Variants in GPC6 observed in about 807,000 individuals in gnomAD.
The protein encoded by GPC6 is glypican 6, also known as glypican-6.
A neutral mutation model predicts 55.2 loss-of-function variants in GPC6; 14 were observed. That is an observed-to-expected ratio of 0.25 (90% confidence interval 0.17 to 0.40). The LOEUF (loss-of-function observed/expected upper bound fraction) is 0.40, where lower values mean the gene tolerates loss of function less well. Among genes scored for constraint, GPC6 ranks in the 10% least tolerant of loss-of-function variants. GPC6 has a pLI of 1.00. For missense variants in GPC6, 641 were observed against 708.5 expected, an observed-to-expected ratio of 0.90 and a Z score of 1.08; for synonymous variants, 278 against 259.6, an observed-to-expected ratio of 1.07 and a Z score of -0.68.
At chr13:93,561,037 T>G (rs1875757901) in intron 2 of GPC6, among the ~76,000 whole-genome samples, 1 of 152,234 alleles carries the variant, frequency 6.6e-6, no homozygotes, top group Admixed American at 6.5e-5. Flanking sequence ...TTAAAATAAG[T>G]AATATAATGA....
intron 1 of GPC6, among the ~76,000 whole-genome samples, chr13:93,517,352 A>G (rs1268865223): frequency 6.6e-6 from 1 of 152,088 alleles, no homozygotes; most frequent in Non-Finnish European, 1.5e-5. Context: ...AGGCAACCAG[A>G]TAATAAGAAG....
chr13:93,370,260 C>A (rs1881402718), intron 1 of GPC6, among the ~76,000 whole-genome samples: 1 of 152,072 alleles, frequency 6.6e-6, no homozygotes, highest in Non-Finnish European at 1.5e-5. Flanking sequence ...GTTAAAAATT[C>A]ATGCAAACAG....
At chr13:93,931,340 A>G (rs1878160456) in intron 3 of GPC6, among the ~76,000 whole-genome samples, 1 of 151,896 alleles carries the variant, frequency 6.6e-6, no homozygotes, top group African/African-American at 2.4e-5. Flanking sequence ...ATTAAAATAG[A>G]AAATACAGGC....
At chr13:93,425,601 C>A (rs1329272850) in intron 1 of GPC6, among the ~76,000 whole-genome samples, 1 of 152,154 alleles carries the variant, frequency 6.6e-6, no homozygotes, top group Non-Finnish European at 1.5e-5. Context: ...GAGTCAAAGC[C>A]AAGTCGAAAT....
chr13:93,837,451 C>T (rs535827227), intron 3 of GPC6, among the ~76,000 whole-genome samples: 14 of 152,278 alleles, frequency 9.2e-5, no homozygotes, highest in Non-Finnish European at 1.9e-4. Context: ...GATAATCCAA[C>T]CTTCATCTGA....
At chr13:93,301,327 C>G (rs1457529113) in intron 1 of GPC6, among the ~76,000 whole-genome samples, 1 of 152,074 alleles carries the variant, frequency 6.6e-6, no homozygotes, top group Non-Finnish European at 1.5e-5. Context: ...ACTGGTCCTT[C>G]CTGAAGAGAA....
chr13:94,307,291 A>G (rs763024828), intron 6 of GPC6, among the ~76,000 whole-genome samples: 2 of 150,998 alleles, frequency 1.3e-5, no homozygotes, highest in African/African-American at 4.9e-5. Flanking sequence ...AGTTGCTGCA[A>G]CCTTCTACTT....
At chr13:93,894,882 T>C (rs1263306520) in intron 3 of GPC6, among the ~76,000 whole-genome samples, 1 of 152,016 alleles carries the variant, frequency 6.6e-6, no homozygotes, top group Admixed American at 6.6e-5. Context: ...TGGTTTTCCA[T>C]TTGAACTCCC....
intron 3 of GPC6, among the ~76,000 whole-genome samples, chr13:94,024,857 CT>C (rs948943808): frequency 7.2e-5 from 11 of 151,866 alleles, no homozygotes; most frequent in East Asian, 5.8e-4. Context: ...TCATCTTGTT[CT>C]TTTTTTTAAT....
chr13:93,861,754 G>A (rs1888820006), intron 3 of GPC6, among the ~76,000 whole-genome samples: 1 of 151,650 alleles, frequency 6.6e-6, no homozygotes, highest in African/African-American at 2.4e-5. Flanking sequence ...AAGAACTCTG[G>A]TCTAAAAATC....
intron 3 of GPC6, among the ~76,000 whole-genome samples, chr13:93,930,744 C>G (rs1319465461): frequency 2.6e-5 from 4 of 152,014 alleles, no homozygotes; most frequent in African/African-American, 4.8e-5. Flanking sequence ...AAAGAATGGA[C>G]AGATTTAAGA....
chr13:94,139,198 A>G (rs1246571613), intron 4 of GPC6, among the ~76,000 whole-genome samples: 1 of 152,174 alleles, frequency 6.6e-6, no homozygotes, highest in Non-Finnish European at 1.5e-5. Context: ...AATCCACATT[A>G]TGACATGACT....
intron 1 of GPC6, among the ~76,000 whole-genome samples, chr13:93,493,515 T>A (rs1437946262): frequency 1.7e-5 from 2 of 118,880 alleles, no homozygotes. Flanking sequence ...TTTGTGTCTC[T>A]ATTTCCTTCA....
intron 3 of GPC6, among the ~76,000 whole-genome samples, chr13:93,980,613 C>T (rs1383790354): frequency 6.6e-6 from 1 of 152,112 alleles, no homozygotes; most frequent in Admixed American, 6.6e-5. Flanking sequence ...TGCCTTGGGC[C>T]ACAGGAGCTA....
At chr13:93,427,627 T>C (rs1370661834) in intron 1 of GPC6, among the ~76,000 whole-genome samples, 1 of 152,206 alleles carries the variant, frequency 6.6e-6, no homozygotes, top group Non-Finnish European at 1.5e-5. Context: ...TATCACATTA[T>C]CACTTCATTC....
At chr13:93,907,757 C>G (rs1443936144) in intron 3 of GPC6, among the ~76,000 whole-genome samples, 1 of 152,084 alleles carries the variant, frequency 6.6e-6, no homozygotes, top group Non-Finnish European at 1.5e-5. Context: ...AATTTACTTG[C>G]CTTCGATAAT....
chr13:94,225,670 C>CATATATAT (rs3043530), intron 4 of GPC6, among the ~76,000 whole-genome samples: 14 of 147,382 alleles, frequency 9.5e-5, no homozygotes, highest in African/African-American at 2.5e-4. Context: ...AAAGTATACA[C>CATATATAT]ATATATATAT....
chr13:93,960,516 T>G (rs1480351618), intron 3 of GPC6, among the ~76,000 whole-genome samples: 1 of 152,106 alleles, frequency 6.6e-6, no homozygotes, highest in African/African-American at 2.4e-5. Context: ...CAGAAGGGAG[T>G]TACCAGAGAG....
intron 2 of GPC6, among the ~76,000 whole-genome samples, chr13:93,728,787 G>A (rs1303026477): frequency 5.3e-5 from 8 of 151,918 alleles, no homozygotes; most frequent in Admixed American, 2.0e-4. Context: ...GGCTGGTTTC[G>A]AACTCCTGAC....
Sources: allele counts gnomAD v4.1 joint callset (sites outside exome capture counted in the v4.1 genomes callset), GRCh38; gene constraint gnomAD v4.1.1; transcripts MANE v1.5; gene names NCBI Gene and HGNC (gene_info 2026-07-23, HGNC 2026-07-21).